ITGA9: variants seen among roughly 807,000 people sequenced by gnomAD.
ITGA9 encodes the protein integrin alpha-9.
ITGA9 carries 56 observed loss-of-function variants against 127.8 expected under a neutral mutation model. That is an observed-to-expected ratio of 0.44 (90% CI 0.35 to 0.55). The LOEUF (loss-of-function observed/expected upper bound fraction) is 0.55. Among genes scored for constraint, ITGA9 ranks in the 20% least tolerant of loss-of-function variants. The pLI, the probability that ITGA9 is intolerant of heterozygous loss-of-function variation, is 0.00. For missense variants in ITGA9, 1,196 were observed against 1,347.1 expected (o/e 0.89, Z 1.76); for synonymous variants, 508 against 514.5 (o/e 0.99, Z 0.17).
intron 5 of ITGA9, among the ~76,000 whole-genome samples, chr3:37,498,765 A>C (rs1579066431): frequency 6.6e-6 from 1 of 152,044 alleles, no homozygotes; most frequent in Admixed American, 6.5e-5. Context: ...GCTACTTTGG[A>C]CTTTGGCCTC....
intron 5 of ITGA9, among the ~76,000 whole-genome samples, 184 bp from the exon 6 acceptor site, chr3:37,502,994 C>T (rs1051975197): frequency 3.9e-5 from 6 of 152,110 alleles, no homozygotes; most frequent in African/African-American, 1.2e-4. Flanking sequence ...CTGATAATCC[C>T]GTCTGTATAA....
At chr3:37,457,176 T>C (rs926429513) in intron 1 of ITGA9, among the ~76,000 whole-genome samples, 1 of 152,082 alleles carries the variant, frequency 6.6e-6, no homozygotes, top group Non-Finnish European at 1.5e-5. Context: ...GCTGAAGAGG[T>C]TGAATTGTCT....
At position 37,743,988 on chromosome 3, in the gene ITGA9, T is replaced by C. The variant is rs1375163544; in HGVS notation, c.2387T>C (p.Leu796Pro). 6.8e-6 allele frequency: 11 copies of C among 1,614,190 alleles called. No individual in the cohort carries two copies. Among genetic ancestry groups the C allele is most frequent in the Admixed American group, 1.7e-5 (1 of 60,030 alleles). The change falls in exon 22 of 28, where the codon CTG (leucine) becomes CCG (proline). Residue 796 changes from leucine to proline, a missense_variant. Leu to Pro is a moderately conservative substitution (Grantham distance 98). Coordinates refer to ENST00000264741, the MANE Select transcript of ITGA9 (RefSeq NM_002207.3). ...GTGGACGCAGCCAACTTCATTCAGC[T>C]GGATGACCTGGAGTGTCACTTTCAG... is the stretch of plus-strand genomic sequence containing the variant. ...ESVDAANFIQ[L>P]DDLECHFQPI...
At position 37,560,105 on chromosome 3, in the gene ITGA9, C is replaced by T. The variant is rs553230464; in HGVS notation, c.1689+17520C>T. On this transcript the variant is annotated intron_variant, in intron 15 of 27. Transcript: ENST00000264741. Reference sequence around the variant, plus strand: ...TCCTAATGCTATCCCTCCCCCAGCCCGCCACCCCCCGACAGGCCCCGGTGT... The same window carrying T: ...TCCTAATGCTATCCCTCCCCCAGCCTGCCACCCCCCGACAGGCCCCGGTGT... 6.6e-5 allele frequency among the ~76,000 whole-genome samples: 10 copies of T among 151,864 alleles called. No homozygotes were observed. In the East Asian group the frequency reaches 1.6e-3, roughly 24 times the overall value.
Position 37,466,483 on chromosome 3 carries a change from C to CAAAAAAAAAAAAAAAAAAAAAAAAA in ITGA9, c.186-4518_186-4494dup, listed in dbSNP as rs60980366. Among the ~76,000 whole-genome samples the CAAAAAAAAAAAAAAAAAAAAAAAAA allele has an allele frequency of 2.3e-4, 6 of 26,066 alleles. 3 individuals are homozygous for CAAAAAAAAAAAAAAAAAAAAAAAAA. Among genetic ancestry groups the CAAAAAAAAAAAAAAAAAAAAAAAAA allele is most frequent in the Admixed American group, 1.6e-3 (2 of 1,238 alleles). The allele number at this position is 26,066 out of a possible 152,430, so 17.1% of individuals were successfully genotyped here. ...TGGGTAACAGAGCAAGACACCATCT[C>CAAAAAAAAAAAAAAAAAAAAAAAAA]AAAAAAAAAAAAAAAAAAAAAAAAA... is the stretch of plus-strand genomic sequence containing the variant. On this transcript the variant is annotated intron_variant, in intron 1 of 27. Coordinates refer to ENST00000264741, the MANE Select transcript of ITGA9 (RefSeq NM_002207.3).
chr3:37,599,982 T>C (rs1699902398), intron 15 of ITGA9, among the ~76,000 whole-genome samples: 1 of 152,126 alleles, frequency 6.6e-6, no homozygotes. Flanking sequence ...AAGGAATGCA[T>C]AGTCAGCTAT....
chr3:37,723,692 GT>G (rs1225897730), intron 18 of ITGA9, among the ~76,000 whole-genome samples: 3 of 152,126 alleles, frequency 2.0e-5, no homozygotes, highest in African/African-American at 7.2e-5. Flanking sequence ...TGAATTTTTT[GT>G]TTTTGCCATC....
chr3:37,720,590 A>G (rs1203343354), intron 18 of ITGA9, among the ~76,000 whole-genome samples: 2 of 152,240 alleles, frequency 1.3e-5, no homozygotes, highest in African/African-American at 2.4e-5. Context: ...GTTTGTGACT[A>G]TTTAACAGAA....
At chr3:37,746,955 C>T (rs1696508614) in intron 22 of ITGA9, among the ~76,000 whole-genome samples, 1 of 152,178 alleles carries the variant, frequency 6.6e-6, no homozygotes, top group South Asian at 2.1e-4. Context: ...TGGCTCTGCC[C>T]TTCTGACCTC....
In ITGA9 at chr3:37,745,024, C is replaced by G. The variant is rs533150836; in HGVS notation, c.2433+990C>G. Reference sequence around the variant, plus strand: ...CTCTCTGGTTCTACCTCCCAGAACTCTTCTCTGCCTCTTGCGTCCTTCCCC... The same window carrying G: ...CTCTCTGGTTCTACCTCCCAGAACTGTTCTCTGCCTCTTGCGTCCTTCCCC... On this transcript the variant is annotated intron_variant, in intron 22 of 27. Transcript: ENST00000264741. 2.1e-3 allele frequency among the ~76,000 whole-genome samples: 325 copies of G among 152,324 alleles called. 1 individual carries two copies. The highest frequency in any genetic ancestry group is 7.5e-3 in the African/African-American group (313 of 41,586).
chr3:37,580,341 G>A (rs777369157), intron 15 of ITGA9, among the ~76,000 whole-genome samples: 46 of 152,318 alleles, frequency 3.0e-4, no homozygotes, highest in Non-Finnish European at 5.3e-4. Context: ...GCTGGAAGGC[G>A]GGGCTTTCCC....
intron 18 of ITGA9, among the ~76,000 whole-genome samples, chr3:37,696,581 C>T (rs1296723877): frequency 6.6e-6 from 1 of 152,200 alleles, no homozygotes; most frequent in Non-Finnish European, 1.5e-5. Flanking sequence ...TATATAATTT[C>T]CAGGCCCTTC....
intron 20 of ITGA9, among the ~76,000 whole-genome samples, chr3:37,741,234 C>T (rs1420478161): frequency 2.0e-5 from 3 of 152,196 alleles, no homozygotes; most frequent in Non-Finnish European, 4.4e-5. Flanking sequence ...GGCCAGAGCC[C>T]ACTCACTTGC....
At chr3:37,637,604 G>A (rs1270552002) in intron 16 of ITGA9, among the ~76,000 whole-genome samples, 2 of 152,106 alleles carry the variant, frequency 1.3e-5, no homozygotes, top group East Asian at 1.9e-4. Flanking sequence ...GAAAATTCTT[G>A]GGCCCACCCC....
intron 18 of ITGA9, among the ~76,000 whole-genome samples, chr3:37,715,670 G>T (rs932693200): frequency 6.6e-6 from 1 of 152,206 alleles, no homozygotes; most frequent in African/African-American, 2.4e-5. Context: ...AATGTTTGGC[G>T]GGTGGATTTC....
chr3:37,632,422 A>C (rs1400796365), intron 16 of ITGA9, among the ~76,000 whole-genome samples: 4 of 152,240 alleles, frequency 2.6e-5, no homozygotes, highest in Admixed American at 2.0e-4. Context: ...GTGCTAAAAG[A>C]CAAGTAGAAA....
At chr3:37,672,079 G>A (rs1339579562) in intron 17 of ITGA9, among the ~76,000 whole-genome samples, 3 of 152,144 alleles carry the variant, frequency 2.0e-5, no homozygotes, top group East Asian at 3.8e-4. Context: ...GGGACAAGCT[G>A]TATAAGGGTA....
chr3:37,674,210 G>A (rs1700661467), intron 17 of ITGA9, among the ~76,000 whole-genome samples: 2 of 152,230 alleles, frequency 1.3e-5, no homozygotes, highest in Admixed American at 1.3e-4. Flanking sequence ...CACTTTGAAT[G>A]CAAATTCTTC....
intron 13 of ITGA9, among the ~76,000 whole-genome samples, chr3:37,528,985 A>T (rs1699122399): frequency 6.7e-6 from 1 of 150,046 alleles, no homozygotes; most frequent in African/African-American, 2.5e-5. Context: ...CCATTCTAGA[A>T]TTTCACATTG....
Sources: allele counts gnomAD v4.1 joint callset (sites outside exome capture counted in the v4.1 genomes callset), GRCh38; gene constraint gnomAD v4.1.1; transcripts MANE v1.5; gene names NCBI Gene and HGNC (gene_info 2026-07-23, HGNC 2026-07-21).